MFSD12: variants seen among roughly 807,000 people sequenced by gnomAD.
MFSD12 encodes major facilitator superfamily domain containing 12, also known as major facilitator superfamily domain-containing protein 12.
Under a neutral mutation model 51.2 loss-of-function variants are expected in MFSD12, and 67 were observed. That is an observed-to-expected ratio of 1.31 (90% CI 1.08 to 1.60). The LOEUF (loss-of-function observed/expected upper bound fraction) is 1.60, where lower values mean the gene tolerates loss of function less well. Among genes scored for constraint, MFSD12 ranks in the 40% most tolerant of loss-of-function variants. The probability of loss-of-function intolerance (pLI) is 0.00; values close to 1 mark genes in which losing one functional copy is unlikely to be tolerated. For synonymous variants in MFSD12, 441 were observed against 316.7 expected, an observed-to-expected ratio of 1.39 and a Z score of -4.17; for missense variants, 921 against 673.0, an observed-to-expected ratio of 1.37 and a Z score of -4.08.
At chr19:3,543,545 C>T (rs1012088410), downstream of MFSD12, 5 of 1,521,906 alleles carry the variant, frequency 3.3e-6, no homozygotes, top group Admixed American at 2.0e-5. Context: ...CAGCCCCCGC[C>T]CCACCGCAGC....
downstream of MFSD12, among the ~76,000 whole-genome samples, chr19:3,540,490 T>TA (rs2030293639): frequency 6.6e-6 from 1 of 150,640 alleles, no homozygotes; most frequent in Non-Finnish European, 1.5e-5. Context: ...TCTCCTGACC[T>TA]CATGATCTGC....
At chr19:3,542,311 G>A, downstream of MFSD12, 4 of 985,404 alleles carry the variant, frequency 4.1e-6, no homozygotes, top group Non-Finnish European at 4.8e-6. Flanking sequence ...GATTTAAGCA[G>A]AGTTCCTGCC....
chr19:3,553,473 GA>G (rs59871101), intron 1 of MFSD12, among the ~76,000 whole-genome samples: 4 of 140,634 alleles, frequency 2.8e-5, no homozygotes, highest in East Asian at 2.1e-4. Context: ...ACCCTGTCAA[GA>G]AAAAAAAAAA....
downstream of MFSD12, chr19:3,541,658 C>G (rs2030428140): frequency 1.1e-5 from 11 of 985,170 alleles, no homozygotes; most frequent in Non-Finnish European, 1.3e-5. Context: ...AATGGAGATG[C>G]AGTGAATGGG....
downstream of MFSD12, chr19:3,543,550 C>T (rs536464527): frequency 2.6e-4 from 396 of 1,534,126 alleles, 1 homozygote; most frequent in South Asian, 1.5e-3. Flanking sequence ...CCCGCCCCAC[C>T]GCAGCCTACA....
intron 1 of MFSD12, 42 bp downstream of exon 1, chr19:3,557,064 T>A: frequency 1.4e-6 from 2 of 1,381,922 alleles, no homozygotes; most frequent in Non-Finnish European, 9.3e-7. Flanking sequence ...TCGCGGAGTC[T>A]CGGAGGGGCT....
In MFSD12 at chr19:3,548,282, G is replaced by A. The variant is rs778653344; in HGVS notation, c.510-15C>T. The A allele has an allele frequency of 1.1e-5, 17 of 1,546,080 alleles. No individual in the cohort carries two copies. The highest frequency in any genetic ancestry group is 1.0e-5 in the Non-Finnish European group (12 of 1,146,916). On this transcript the variant is annotated splice_polypyrimidine_tract_variant and intron_variant, in intron 2 of 9. Transcript: ENST00000355415. ...TGAACGCATACCTGGCGGGCAGGCG[G>A]GCAGGGACTCAACAAGACGCCAGGA... is the stretch of plus-strand genomic sequence containing the variant.
chr19:3,543,091 G>A, downstream of MFSD12: 3 of 1,559,726 alleles, frequency 1.9e-6, no homozygotes, highest in South Asian at 1.2e-5. Flanking sequence ...GTACAGGGCT[G>A]AAGGACAGAC....
At position 3,544,818 on chromosome 19, in the gene MFSD12, G is replaced by T. The variant is rs745385275; in HGVS notation, c.1411C>A (p.Leu471Met). ...LCSLLLWPTRLRRWDRDARP is the reference protein window; with the variant it reads ...LCSLLLWPTRMRRWDRDARP ...GTGGGCCAGGACTCACAGCGTCGCAGGCGGGTCGGCCACAGCAGGAGGCTA... is the reference window on the plus strand; with the variant it reads ...GTGGGCCAGGACTCACAGCGTCGCATGCGGGTCGGCCACAGCAGGAGGCTA... Residue 471 changes from leucine (L) to methionine (M), a missense_variant, in exon 9 of 10, where the codon CTG (leucine) becomes ATG (methionine). Physicochemically the swap from Leu to Met is conservative, Grantham distance 15. Coordinates refer to ENST00000355415, the MANE Select transcript of MFSD12 (RefSeq NM_174983.5). 6.2e-7 allele frequency: 1 copy of T among 1,612,406 alleles called. No individual in the cohort carries two copies. The highest frequency in any genetic ancestry group is 1.1e-5 in the South Asian group (1 of 90,988).
At chr19:3,543,115 G>T, downstream of MFSD12, 1 of 1,523,992 alleles carries the variant, frequency 6.6e-7, no homozygotes. Context: ...AAGTGGCGAG[G>T]GAGGGAGACC....
downstream of MFSD12, chr19:3,543,803 C>T: frequency 6.7e-7 from 1 of 1,503,562 alleles, no homozygotes. Flanking sequence ...GGTGGGGGCA[C>T]ATGGTGACCC....
At chr19:3,548,501 A>G (rs923402767) in intron 2 of MFSD12, among the ~76,000 whole-genome samples, 47 of 152,236 alleles carry the variant, frequency 3.1e-4, no homozygotes, top group African/African-American at 1.1e-3. Flanking sequence ...GCCCAGGACC[A>G]GGGTACAGTG....
chr19:3,539,655 G>A (rs148428016), downstream of MFSD12: 756 of 204,684 alleles, frequency 3.7e-3, 8 homozygotes, highest in African/African-American at 0.016. Flanking sequence ...CTTGGCCCCC[G>A]GTCTCTGCTT....
At chr19:3,556,261 C>T (rs769733622) in intron 1 of MFSD12, among the ~76,000 whole-genome samples, 3 of 152,240 alleles carry the variant, frequency 2.0e-5, no homozygotes, top group South Asian at 2.1e-4. Flanking sequence ...CCCTAATAGA[C>T]GAGCTCAGGC....
chr19:3,556,790 G>A (rs1292988370), intron 1 of MFSD12, among the ~76,000 whole-genome samples: 2 of 144,312 alleles, frequency 1.4e-5, no homozygotes, highest in Non-Finnish European at 3.1e-5. Flanking sequence ...TCCCAGGCAG[G>A]CAGAGAGAGG....
In MFSD12 at chr19:3,546,158, G is replaced by A. The variant is rs371783113; in HGVS notation, c.1205C>T (p.Ala402Val). ...GAAGCTCATGGAGCCGTACACGAAC[G>A]CTCCGCTGTTCTGTGGAGACACAGG... ...DLIGPHTNSG[A>V]FVYGSMSFLD... The change falls in exon 8 of 10, where the codon GCG becomes GTG. Residue 402 changes from alanine to valine, a missense_variant. By Grantham distance (64) the Ala-to-Val change is moderately conservative. Transcript: ENST00000355415. The A allele has an allele frequency of 3.7e-5, 60 of 1,612,908 alleles. No individual in the cohort carries two copies. Among genetic ancestry groups the A allele is most frequent in the Admixed American group, 2.5e-4 (15 of 60,010 alleles).
chr19:3,543,483 C>T (rs911070340), downstream of MFSD12: 91 of 1,500,568 alleles, frequency 6.1e-5, no homozygotes, highest in Non-Finnish European at 8.0e-5. Flanking sequence ...GGTGAGTGCC[C>T]CCCCCCCCGC....
At chr19:3,542,956 C>T (rs148223642), downstream of MFSD12, 174 of 1,518,890 alleles carry the variant, frequency 1.1e-4, no homozygotes, top group Non-Finnish European at 1.5e-4. Context: ...CTCTCCCCTC[C>T]CTCTTCTCCA....
At chr19:3,543,420 C>A (rs769995912), downstream of MFSD12, 34 of 1,547,402 alleles carry the variant, frequency 2.2e-5, 1 homozygote, top group Middle Eastern at 6.0e-4. Context: ...TTCCGCGAGG[C>A]CTACAACCGC....
Sources: allele counts gnomAD v4.1 joint callset (sites outside exome capture counted in the v4.1 genomes callset), GRCh38; gene constraint gnomAD v4.1.1; transcripts MANE v1.5; gene names NCBI Gene and HGNC (gene_info 2026-07-23, HGNC 2026-07-21).